The following CDH4 variants were observed in gnomAD, a reference collection of about 807,000 sequenced individuals.
The protein encoded by CDH4 is cadherin 4.
In CDH4, 33 loss-of-function variants were observed where a neutral mutation model predicts 86.0. The observed-to-expected ratio is 0.38, with a 90% CI of 0.29 to 0.51. The LOEUF is 0.51. Among genes scored for constraint, CDH4 ranks in the 20% least tolerant of loss-of-function variants. The probability of loss-of-function intolerance (pLI) is 0.86; values close to 1 mark genes in which losing one functional copy is unlikely to be tolerated. For missense variants in CDH4, 1,114 were observed against 1,307.4 expected, an observed-to-expected ratio of 0.85 and a Z score of 2.28; for synonymous variants, 555 against 549.4, an observed-to-expected ratio of 1.01 and a Z score of -0.14.
At chr20:61,801,494 CG>C (rs1429725653) in intron 4 of CDH4, among the ~76,000 whole-genome samples, 1 of 152,148 alleles carries the variant, frequency 6.6e-6, no homozygotes. Flanking sequence ...TGTGAGTTGC[CG>C]GGAGCTGCTG....
intron 2 of CDH4, among the ~76,000 whole-genome samples, chr20:61,494,478 G>C (rs973258035): frequency 7.9e-5 from 12 of 152,172 alleles, no homozygotes; most frequent in African/African-American, 2.7e-4. Flanking sequence ...GGGCTCAATT[G>C]GAAGGCTTTT....
At chr20:61,728,899 C>T (rs1366447352) in intron 2 of CDH4, among the ~76,000 whole-genome samples, 4 of 152,222 alleles carry the variant, frequency 2.6e-5, no homozygotes, top group Admixed American at 2.0e-4. Context: ...AGGCCACCCC[C>T]TCCAGGTTCC....
chr20:61,599,449 T>C (rs1414602268), intron 2 of CDH4, among the ~76,000 whole-genome samples: 1 of 152,178 alleles, frequency 6.6e-6, no homozygotes, highest in Admixed American at 6.5e-5. Flanking sequence ...ACCCTGAGTG[T>C]GCACTCAGCA....
intron 2 of CDH4, among the ~76,000 whole-genome samples, chr20:61,268,464 C>T (rs2084168184): frequency 6.6e-6 from 1 of 152,234 alleles, no homozygotes; most frequent in African/African-American, 2.4e-5. Context: ...TCAGCGAGAA[C>T]TTGAAAGAGG....
intron 4 of CDH4, among the ~76,000 whole-genome samples, chr20:61,793,952 C>G (rs1979375369): frequency 6.8e-6 from 1 of 146,952 alleles, no homozygotes; most frequent in African/African-American, 2.5e-5. Flanking sequence ...TCCTGACTAA[C>G]ACGGTGAAAC....
chr20:61,609,993 G>A (rs1233539245), intron 2 of CDH4, among the ~76,000 whole-genome samples: 1 of 152,090 alleles, frequency 6.6e-6, no homozygotes, highest in Admixed American at 6.5e-5. Context: ...CTTAGCTTTG[G>A]GAACATCATA....
intron 2 of CDH4, among the ~76,000 whole-genome samples, chr20:61,477,048 G>A (rs547941921): frequency 4.6e-5 from 7 of 152,334 alleles, no homozygotes; most frequent in South Asian, 2.1e-4. Flanking sequence ...GCCAGGGGCC[G>A]GGGCTGCCTG....
At chr20:61,375,881 TGGTG>T (rs2084866852) in intron 2 of CDH4, among the ~76,000 whole-genome samples, 4 of 148,416 alleles carry the variant, frequency 2.7e-5, no homozygotes, top group Admixed American at 1.3e-4. Flanking sequence ...GTGCTGGTGG[TGGTG>T]ATGGTGTGGT....
chr20:61,662,020 C>A (rs2087262809), intron 2 of CDH4, among the ~76,000 whole-genome samples: 1 of 152,106 alleles, frequency 6.6e-6, no homozygotes, highest in Non-Finnish European at 1.5e-5. Flanking sequence ...ATTTGTGAAA[C>A]CCCAGGTGTG....
At chr20:61,511,886 T>C (rs1226155090) in intron 2 of CDH4, among the ~76,000 whole-genome samples, 1 of 152,210 alleles carries the variant, frequency 6.6e-6, no homozygotes, top group Admixed American at 6.5e-5. Context: ...GGGTATACTG[T>C]AGAATAAATA....
At position 61,640,468 on chromosome 20, in the gene CDH4, G is replaced by A. The variant is rs60569221; in HGVS notation, c.170-103095G>A. 7.8e-3 allele frequency among the ~76,000 whole-genome samples: 1,193 copies of A among 152,128 alleles called. 10 individuals carry two copies. The highest frequency in any genetic ancestry group is 0.027 in the African/African-American group (1,104 of 41,490). On this transcript the variant is annotated intron_variant, in intron 2 of 15. Coordinates refer to ENST00000614565, the MANE Select transcript of CDH4 (RefSeq NM_001794.5). ...ACCACCCAGCCCTGTGCTGGCTTCC[G>A]GGGCCTATGAGGGGGCTGCTGCTGT...
intron 3 of CDH4, among the ~76,000 whole-genome samples, chr20:61,746,967 G>C (rs2088422462): frequency 6.6e-6 from 1 of 152,188 alleles, no homozygotes; most frequent in African/African-American, 2.4e-5. Flanking sequence ...ACACCGGATT[G>C]CTGGTGTCCT....
chr20:61,757,091 T>C (rs1165125942), intron 3 of CDH4, among the ~76,000 whole-genome samples: 2 of 152,186 alleles, frequency 1.3e-5, no homozygotes, highest in Non-Finnish European at 2.9e-5. Context: ...TTTTAATGAG[T>C]GTGAATAACC....
At chr20:61,841,773 G>A (rs1184377896) in intron 4 of CDH4, among the ~76,000 whole-genome samples, 4 of 149,940 alleles carry the variant, frequency 2.7e-5, no homozygotes, top group South Asian at 2.1e-4. Context: ...GTGTGCGCGC[G>A]TGCGCGCACC....
intron 2 of CDH4, among the ~76,000 whole-genome samples, chr20:61,665,101 G>A (rs887965080): frequency 3.3e-5 from 5 of 152,248 alleles, no homozygotes; most frequent in Admixed American, 1.3e-4. Context: ...AGTCAGAAGG[G>A]AGGTGGGACG....
intron 2 of CDH4, among the ~76,000 whole-genome samples, chr20:61,352,463 A>G (rs1432399043): frequency 6.6e-6 from 1 of 152,152 alleles, no homozygotes; most frequent in African/African-American, 2.4e-5. Flanking sequence ...ACGTCTTTAC[A>G]TTGCTTTAGA....
chr20:61,718,957 C>T (rs1267789450), intron 2 of CDH4: 1 of 471,158 alleles, frequency 2.1e-6, no homozygotes. Context: ...GGGGTCTTCT[C>T]TCCTCGCCCT....
At chr20:61,559,986 C>A (rs1462380313) in intron 2 of CDH4, among the ~76,000 whole-genome samples, 1 of 152,126 alleles carries the variant, frequency 6.6e-6, no homozygotes, top group African/African-American at 2.4e-5. Context: ...AACCATGGAC[C>A]CTCTGTCCAT....
intron 5 of CDH4, among the ~76,000 whole-genome samples, chr20:61,846,614 G>A (rs1389267846): frequency 6.6e-6 from 1 of 152,104 alleles, no homozygotes; most frequent in Non-Finnish European, 1.5e-5. Flanking sequence ...CAGAGACAGA[G>A]GCATAGAGAC....
Sources: gnomAD v4.1 joint callset for allele counts (sites outside exome capture counted in the v4.1 genomes callset) on GRCh38, gnomAD v4.1.1 for gene constraint, MANE v1.5 for transcripts, NCBI Gene and HGNC (gene_info 2026-07-23, HGNC 2026-07-21) for gene names.